The following CHL1 variants were observed in gnomAD, a reference collection of about 807,000 sequenced individuals.
CHL1 encodes the protein neural cell adhesion molecule L1-like protein.
Under a neutral mutation model 141.9 loss-of-function variants are expected in CHL1, and 96 were observed. The ratio of observed to expected loss-of-function variants is 0.68; its 90% confidence interval spans 0.57 to 0.80. The LOEUF (loss-of-function observed/expected upper bound fraction) is 0.80. CHL1 is among the 30% of genes least tolerant of loss of function. The pLI is 0.00. For synonymous variants in CHL1, 613 were observed against 502.2 expected, an observed-to-expected ratio of 1.22 and a Z score of -2.95; for missense variants, 1,820 against 1,457.2, an observed-to-expected ratio of 1.25 and a Z score of -4.05.
intron 2 of CHL1, among the ~76,000 whole-genome samples, chr3:302,875 G>C (rs1247886278): frequency 1.3e-5 from 2 of 152,100 alleles, no homozygotes; most frequent in Non-Finnish European, 2.9e-5. Context: ...TTATGGTCTA[G>C]GTCTTACGTT....
intron 23 of CHL1, among the ~76,000 whole-genome samples, chr3:393,780 A>G (rs1708439418): frequency 6.6e-6 from 1 of 152,196 alleles, no homozygotes; most frequent in African/African-American, 2.4e-5. Context: ...AAAAATCTAA[A>G]AAAGTGATGA....
chr3:294,075 T>C (rs556585180), intron 2 of CHL1, among the ~76,000 whole-genome samples: 2 of 152,146 alleles, frequency 1.3e-5, no homozygotes, highest in East Asian at 3.9e-4. Flanking sequence ...TCTAAGCACT[T>C]TGGGAGGCCG....
chr3:344,530 C>G (rs1325442365), intron 8 of CHL1, 59 bp from the exon 9 acceptor site: 2 of 1,337,692 alleles, frequency 1.5e-6, no homozygotes, highest in Non-Finnish European at 2.1e-6. Context: ...GATGTGGTGT[C>G]ACAGAATTTT....
chr3:337,664 G>C (rs1479781172), intron 5 of CHL1, among the ~76,000 whole-genome samples: 1 of 152,040 alleles, frequency 6.6e-6, no homozygotes, highest in Non-Finnish European at 1.5e-5. Flanking sequence ...ATGGTTTTCA[G>C]CTTCAACCAT....
intron 2 of CHL1, among the ~76,000 whole-genome samples, chr3:301,837 G>C (rs766827394): frequency 1.3e-5 from 2 of 152,150 alleles, no homozygotes; most frequent in Non-Finnish European, 2.9e-5. Flanking sequence ...TGCCGTGGTG[G>C]TTTGCTGCAC....
At chr3:368,799 G>C (rs1372900976) in intron 15 of CHL1, among the ~76,000 whole-genome samples, 1 of 152,100 alleles carries the variant, frequency 6.6e-6, no homozygotes, top group Non-Finnish European at 1.5e-5. Context: ...TTTACTTTCA[G>C]TTGTTTGCAC....
intron 15 of CHL1, among the ~76,000 whole-genome samples, chr3:369,136 G>T (rs1705287765): frequency 6.6e-6 from 1 of 152,012 alleles, no homozygotes; most frequent in African/African-American, 2.4e-5. Flanking sequence ...TGTGTAGAAT[G>T]TCAATGGTAG....
chr3:347,267 CA>C (rs1251106881), intron 9 of CHL1, among the ~76,000 whole-genome samples: 1 of 151,664 alleles, frequency 6.6e-6, no homozygotes, highest in Non-Finnish European at 1.5e-5. Context: ...GTTGGCCAGA[CA>C]AGGACCTGAA....
At position 340,866 on chromosome 3, in the gene CHL1, G is replaced by A; in HGVS notation, c.458G>A (p.Cys153Tyr). 1 of 1,612,496 alleles carries A rather than the reference G, an allele frequency of 6.2e-7. No individual in the cohort carries two copies. The highest frequency in any genetic ancestry group is 8.5e-7 in the Non-Finnish European group (1 of 1,178,708). ...GAGGGAGATCCAATTGTCCTCCCAT[G>A]CAATCCTCCCAAAGGCCTCCCACCT... ...VEEGDPIVLP[C>Y]NPPKGLPPLH... Residue 153 changes from cysteine to tyrosine, a missense_variant, in exon 6 of 28, where the codon TGC (cysteine) becomes TAC (tyrosine). Transcript: ENST00000256509.
chr3:300,764 AG>A (rs1262357022), intron 2 of CHL1, among the ~76,000 whole-genome samples: 5 of 149,986 alleles, frequency 3.3e-5, no homozygotes, highest in African/African-American at 1.2e-4. Flanking sequence ...TCTTATTTCT[AG>A]GAAAAAAAAA....
At chr3:242,668 A>G (rs779380372) in intron 1 of CHL1, among the ~76,000 whole-genome samples, 51 of 118,250 alleles carry the variant, frequency 4.3e-4, no homozygotes, top group Non-Finnish European at 9.2e-4. Flanking sequence ...AACACTAAGA[A>G]CACATGCACA....
At chr3:383,218 G>C (rs765130240) in intron 18 of CHL1, among the ~76,000 whole-genome samples, 1 of 152,118 alleles carries the variant, frequency 6.6e-6, no homozygotes, top group East Asian at 1.9e-4. Flanking sequence ...GCAAGTGAAG[G>C]TTATAACTGG....
Position 382,587 on chromosome 3 carries a change from T to C in CHL1, c.2092T>C (p.Tyr698His). 6 of 1,613,958 alleles carry C rather than the reference T, an allele frequency of 3.7e-6. No individual in the cohort carries two copies. Among genetic ancestry groups the C allele is most frequent in the South Asian group, 1.1e-5 (1 of 91,084 alleles). ...VILPLAPFVR[Y>H]QFRVIAVNEV... Reference sequence around the variant, plus strand: ...CTTACCTTTGGCTCCATTTGTGAGATACCAGTTCAGGGTCATAGCCGTGAA... The same window carrying C: ...CTTACCTTTGGCTCCATTTGTGAGACACCAGTTCAGGGTCATAGCCGTGAA... Residue 698 changes from tyrosine (Y) to histidine (H), a missense_variant, in exon 18 of 28, where the codon TAC (tyrosine) becomes CAC (histidine). Physicochemically the swap from Tyr to His is moderately conservative, Grantham distance 83 (BLOSUM62 2). Transcript: ENST00000256509.
intron 2 of CHL1, among the ~76,000 whole-genome samples, chr3:276,993 A>T (rs1696194368): frequency 6.6e-6 from 1 of 151,632 alleles, no homozygotes; most frequent in Non-Finnish European, 1.5e-5. Context: ...TTTTCAAATG[A>T]CTTCTCTATA....
At chr3:366,208 C>T (rs115492148) in intron 15 of CHL1, 93 bp downstream of exon 15, 32 of 1,216,912 alleles carry the variant, frequency 2.6e-5, no homozygotes, top group Non-Finnish European at 3.5e-5. Context: ...TGCTGACTCA[C>T]GCTTGTAATC....
At chr3:331,742 T>C in intron 5 of CHL1, among the ~76,000 whole-genome samples, 1 of 152,130 alleles carries the variant, frequency 6.6e-6, no homozygotes, top group East Asian at 1.9e-4. Flanking sequence ...ATTTTACAAA[T>C]CTTTATAAAA....
chr3:211,697 T>C (rs934802375), intron 1 of CHL1, among the ~76,000 whole-genome samples: 19 of 152,144 alleles, frequency 1.2e-4, no homozygotes, highest in Non-Finnish European at 1.8e-4. Flanking sequence ...TTATAAAGTA[T>C]TGCACCGTAG....
At chr3:197,630 CG>C (rs35603824) in intron 1 of CHL1, 27 of 346,198 alleles carry the variant, frequency 7.8e-5, no homozygotes, top group Admixed American at 1.1e-4. Flanking sequence ...GATCCCAGCC[CG>C]GGGGGGGTTC....
rs1286230424 is a variant in CHL1 at position 408,060 on chromosome 3, A to G, written c.*2349A>G. ...TTAATTGTGAAATTATATGATTCAT[A>G]TATTTTATGAATCAGAATAACCTTC... is the stretch of plus-strand genomic sequence containing the variant. On this transcript the variant is annotated 3_prime_UTR_variant, in exon 28 of 28. Transcript: ENST00000256509. 6.6e-6 allele frequency: 1 copy of G among 152,154 alleles called. No homozygotes were observed. The highest frequency in any genetic ancestry group is 1.5e-5 in the Non-Finnish European group (1 of 68,020). The allele number at this position is 152,154 out of a possible 1,614,324, so 9.4% of individuals were successfully genotyped here.
Sources: gnomAD v4.1 joint callset for allele counts (sites outside exome capture counted in the v4.1 genomes callset) on GRCh38, gnomAD v4.1.1 for gene constraint, MANE v1.5 for transcripts, NCBI Gene and HGNC (gene_info 2026-07-23, HGNC 2026-07-21) for gene names.